The following KIAA0825 variants were observed in gnomAD, a reference collection of about 807,000 sequenced individuals.
KIAA0825 encodes the protein uncharacterized protein KIAA0825.
A neutral mutation model predicts 147.6 loss-of-function variants in KIAA0825; 119 were observed. The ratio of observed to expected loss-of-function variants is 0.81; its 90% CI spans 0.69 to 0.94. The LOEUF (loss-of-function observed/expected upper bound fraction) is 0.94, where lower values mean the gene tolerates loss of function less well. KIAA0825 is among the 40% of genes least tolerant of loss of function. The pLI is 0.00. For synonymous variants in KIAA0825, 470 were observed against 518.1 expected (o/e 0.91, Z 1.26); for missense variants, 1,381 against 1,472.7 (o/e 0.94, Z 1.02).
At chr5:94,348,286 C>T (rs1783238419) in intron 20 of KIAA0825, among the ~76,000 whole-genome samples, 1 of 152,114 alleles carries the variant, frequency 6.6e-6, no homozygotes, top group Admixed American at 6.5e-5. Context: ...ATACAAGAAG[C>T]ACAAAGAACA....
chr5:94,602,049 C>G (rs115327642), intron 1 of KIAA0825, among the ~76,000 whole-genome samples: 1,830 of 152,276 alleles, frequency 0.012, 34 homozygotes, highest in African/African-American at 0.042. Flanking sequence ...GAGAACCCTG[C>G]TAAGATATTC....
chr5:94,281,253 C>A (rs1261632214), intron 20 of KIAA0825, among the ~76,000 whole-genome samples: 1 of 148,918 alleles, frequency 6.7e-6, no homozygotes, highest in Non-Finnish European at 1.5e-5. Context: ...ACTTGCCATA[C>A]CCAAAAGCAT....
chr5:94,382,282 T>C (rs926347756), intron 20 of KIAA0825, among the ~76,000 whole-genome samples: 2 of 152,282 alleles, frequency 1.3e-5, no homozygotes, highest in Non-Finnish European at 2.9e-5. Context: ...TTTTCAAGTA[T>C]GTATCTTTCA....
intron 8 of KIAA0825, among the ~76,000 whole-genome samples, chr5:94,472,606 A>T (rs1178220093): frequency 1.3e-5 from 2 of 152,060 alleles, no homozygotes; most frequent in African/African-American, 2.4e-5. Context: ...TAGCCGGGCG[A>T]GGTAGCGGGC....
intron 1 of KIAA0825, among the ~76,000 whole-genome samples, chr5:94,617,545 A>G (rs1790875584): frequency 6.6e-6 from 1 of 152,210 alleles, no homozygotes; most frequent in Non-Finnish European, 1.5e-5. Context: ...AAAAAATGCA[A>G]TAGTACCTAC....
chr5:94,190,612 C>T (rs769892647), intron 20 of KIAA0825, among the ~76,000 whole-genome samples: 22 of 151,502 alleles, frequency 1.5e-4, no homozygotes, highest in Admixed American at 4.6e-4. Flanking sequence ...CATAGGTGCC[C>T]CTAATCAAGT....
chr5:94,365,196 C>T (rs1205307844), intron 20 of KIAA0825, among the ~76,000 whole-genome samples: 1 of 152,148 alleles, frequency 6.6e-6, no homozygotes, highest in Non-Finnish European at 1.5e-5. Flanking sequence ...TTTGGGCACC[C>T]CCGCTCTCTC....
intron 5 of KIAA0825, among the ~76,000 whole-genome samples, chr5:94,497,642 C>T (rs1562560254): frequency 6.6e-6 from 1 of 152,192 alleles, no homozygotes; most frequent in Non-Finnish European, 1.5e-5. Context: ...ATACTTTCAA[C>T]TTTTAATGGC....
intron 2 of KIAA0825, among the ~76,000 whole-genome samples, chr5:94,537,528 G>A (rs1378315040): frequency 6.6e-6 from 1 of 151,344 alleles, no homozygotes; most frequent in Non-Finnish European, 1.5e-5. Flanking sequence ...GTGGGCGCCT[G>A]TAGTCCCAGC....
chr5:94,446,216 C>CA (rs1757704356), intron 13 of KIAA0825, among the ~76,000 whole-genome samples: 1 of 152,064 alleles, frequency 6.6e-6, no homozygotes, highest in African/African-American at 2.4e-5. Flanking sequence ...TTCATTCATT[C>CA]AACTAATATT....
chr5:94,430,334 C>CTCATAAAA (rs2150783198), intron 14 of KIAA0825, among the ~76,000 whole-genome samples: 1 of 152,230 alleles, frequency 6.6e-6, no homozygotes, highest in South Asian at 2.1e-4. Context: ...GGAGAATTTA[C>CTCATAAAA]TCATAAAATC....
intron 20 of KIAA0825, among the ~76,000 whole-genome samples, chr5:94,213,077 G>A (rs1174813720): frequency 6.6e-6 from 1 of 152,010 alleles, no homozygotes; most frequent in Non-Finnish European, 1.5e-5. Flanking sequence ...GGAAATTGAG[G>A]CACTCTAAGA....
intron 20 of KIAA0825, among the ~76,000 whole-genome samples, chr5:94,263,034 G>C (rs1776575118): frequency 6.6e-6 from 1 of 152,080 alleles, no homozygotes; most frequent in South Asian, 2.1e-4. Flanking sequence ...CCTCTATGAA[G>C]CTTGGGACAG....
intron 1 of KIAA0825, among the ~76,000 whole-genome samples, chr5:94,587,958 T>C (rs1783623131): frequency 6.6e-6 from 1 of 152,188 alleles, no homozygotes; most frequent in South Asian, 2.1e-4. Flanking sequence ...ATTCCCTATT[T>C]AATAAATGGT....
chr5:94,362,619 T>C (rs1416804036), intron 20 of KIAA0825, among the ~76,000 whole-genome samples: 2 of 139,654 alleles, frequency 1.4e-5, no homozygotes, highest in Non-Finnish European at 1.7e-5. Context: ...TCTACTGTAC[T>C]TATATGGTAA....
In KIAA0825 at chr5:94,545,474, G is replaced by C. The variant is rs1774168838; in HGVS notation, c.-1-8347C>G. 5.3e-5 allele frequency among the ~76,000 whole-genome samples: 8 copies of C among 152,148 alleles called. No individual in the cohort carries two copies. In the South Asian group the frequency reaches 1.7e-3, roughly 32 times the overall value. On this transcript the variant is annotated intron_variant, in intron 2 of 20. Coordinates refer to ENST00000682413, the MANE Select transcript of KIAA0825 (RefSeq NM_001145678.3). ...TCATTCCTTCTGCTTAAGGAGAGGAGAGTGAAGAGTAAAGAGGACTTTGTC... is the reference window on the plus strand; with the variant it reads ...TCATTCCTTCTGCTTAAGGAGAGGACAGTGAAGAGTAAAGAGGACTTTGTC...
intron 20 of KIAA0825, among the ~76,000 whole-genome samples, chr5:94,167,537 C>G (rs1768157121): frequency 6.6e-6 from 1 of 152,098 alleles, no homozygotes; most frequent in Non-Finnish European, 1.5e-5. Context: ...TCAGAGAGAT[C>G]TTTACAACCT....
chr5:94,409,750 G>T (rs532253751), intron 15 of KIAA0825, among the ~76,000 whole-genome samples: 1 of 152,280 alleles, frequency 6.6e-6, no homozygotes, highest in African/African-American at 2.4e-5. Flanking sequence ...ACCTAAAAAG[G>T]TAATGTTTCA....
At chr5:94,573,083 T>C (rs1484582359) in intron 2 of KIAA0825, among the ~76,000 whole-genome samples, 1 of 146,466 alleles carries the variant, frequency 6.8e-6, no homozygotes, top group African/African-American at 2.5e-5. Flanking sequence ...ATGAAATACA[T>C]TAGTTTGGTT....
Sources: gnomAD v4.1 joint callset for allele counts (sites outside exome capture counted in the v4.1 genomes callset) on GRCh38, gnomAD v4.1.1 for gene constraint, MANE v1.5 for transcripts, NCBI Gene and HGNC (gene_info 2026-07-23, HGNC 2026-07-21) for gene names.